TMTC4: variants seen among roughly 807,000 people sequenced by gnomAD.
TMTC4 encodes protein O-mannosyl-transferase TMTC4.
In TMTC4, 65 loss-of-function variants were observed where a neutral mutation model predicts 86.0. The ratio of observed to expected loss-of-function variants is 0.76; its 90% CI spans 0.62 to 0.93. The LOEUF (loss-of-function observed/expected upper bound fraction) is 0.93, where lower values mean the gene tolerates loss of function less well. Ranked by LOEUF, TMTC4 falls within the 40% of genes least tolerant of loss-of-function variation. The pLI, the probability that TMTC4 is intolerant of heterozygous loss-of-function variation, is 0.00. For missense variants in TMTC4, 866 were observed against 948.1 expected (o/e 0.91, Z 1.14); for synonymous variants, 379 against 382.5 (o/e 0.99, Z 0.11).
chr13:100,662,821 A>T, intron 5 of TMTC4, 143 bp downstream of exon 5: 1 of 786,150 alleles, frequency 1.3e-6, no homozygotes, highest in Non-Finnish European at 2.1e-6. Flanking sequence ...TTCTATTTCT[A>T]GAGTATGTTG....
chr13:100,653,684 T>C (rs974524870), intron 6 of TMTC4, among the ~76,000 whole-genome samples: 2 of 151,688 alleles, frequency 1.3e-5, no homozygotes, highest in Non-Finnish European at 2.9e-5. Flanking sequence ...AAGCGATGAG[T>C]GGGAATGGAA....
intron 15 of TMTC4, among the ~76,000 whole-genome samples, chr13:100,622,595 T>C (rs1439399498): frequency 2.0e-5 from 3 of 152,148 alleles, no homozygotes; most frequent in East Asian, 1.9e-4. Context: ...TTTTGTCTGC[T>C]GCCATGTAAG....
chr13:100,636,365 G>C (rs1255941307), intron 10 of TMTC4, among the ~76,000 whole-genome samples, 167 bp downstream of exon 10: 1 of 152,228 alleles, frequency 6.6e-6, no homozygotes. Flanking sequence ...GCGGAAGCCA[G>C]CCATGGATTC....
At chr13:100,632,047 A>ACTCT (rs1471336365) in intron 12 of TMTC4, among the ~76,000 whole-genome samples, 5 of 63,398 alleles carry the variant, frequency 7.9e-5, no homozygotes, top group African/African-American at 2.3e-4. Context: ...ACACACACAC[A>ACTCT]CACACACTCT....
chr13:100,666,207 ATCTC>A, intron 3 of TMTC4: 1 of 356,138 alleles, frequency 2.8e-6, no homozygotes, highest in African/African-American at 2.1e-5. Flanking sequence ...GAAGATCATC[ATCTC>A]AAGGAACAAA....
intron 12 of TMTC4, 79 bp from the exon 13 acceptor site, chr13:100,626,229 A>G: frequency 6.9e-7 from 1 of 1,440,156 alleles, no homozygotes; most frequent in Non-Finnish European, 9.8e-7. Flanking sequence ...CTTCTAACTG[A>G]AGACAAAAGG....
chr13:100,660,608 G>A (rs1440126511), intron 5 of TMTC4, among the ~76,000 whole-genome samples: 1 of 151,478 alleles, frequency 6.6e-6, no homozygotes, highest in East Asian at 1.9e-4. Context: ...GAGCTCGCCT[G>A]CCACCCATTT....
At chr13:100,668,478 C>T in intron 3 of TMTC4, 101 bp downstream of exon 3, 1 of 1,267,172 alleles carries the variant, frequency 7.9e-7, no homozygotes. Context: ...CAGGCCAATG[C>T]TTAACCTACA....
chr13:100,639,377 G>A (rs1290471129), intron 7 of TMTC4, among the ~76,000 whole-genome samples: 2 of 152,162 alleles, frequency 1.3e-5, no homozygotes, highest in Non-Finnish European at 2.9e-5. Context: ...GACCGTTTCT[G>A]CCTGGTTGAA....
chr13:100,630,434 A>G (rs1048772557), intron 12 of TMTC4, among the ~76,000 whole-genome samples: 4 of 152,210 alleles, frequency 2.6e-5, no homozygotes, highest in Non-Finnish European at 5.9e-5. Flanking sequence ...GCATCAAATT[A>G]TTGTCCATTC....
chr13:100,675,016 T>A (rs1248315649), upstream of TMTC4: 11 of 985,462 alleles, frequency 1.1e-5, no homozygotes, highest in African/African-American at 1.7e-5. Flanking sequence ...GCCGGTGACG[T>A]CAGGCCAGGG....
In TMTC4 at chr13:100,638,006, A is replaced by AATACCGC; in HGVS notation, c.751_757dup (p.Phe253CysfsTer4). On this transcript the variant is annotated frameshift_variant, in exon 8 of 19. Coordinates refer to ENST00000342624, the MANE Select transcript of TMTC4 (RefSeq NM_032813.5). LOFTEE classifies it high-confidence loss of function. The stretch of plus-strand genomic sequence containing the variant: ...GAATTTGCCTATCACCAAGATGTCA[A>AATACCGC]ATACCGCATTTAAACCCTAAGAAAG... The AATACCGC allele has an allele frequency of 6.2e-7, 1 of 1,613,994 alleles. No individual in the cohort carries two copies. The highest frequency in any genetic ancestry group is 8.5e-7 in the Non-Finnish European group (1 of 1,179,970).
intron 1 of TMTC4, chr13:100,674,154 G>A (rs1437234138): frequency 2.0e-6 from 2 of 981,484 alleles, no homozygotes; most frequent in Middle Eastern, 5.2e-4. Context: ...CCGGGAAGCG[G>A]CGGCTCGGTG....
chr13:100,614,202 A>AT (rs1316688758), intron 16 of TMTC4, 114 bp downstream of exon 16: 159 of 772,264 alleles, frequency 2.1e-4, no homozygotes, highest in South Asian at 3.5e-4. Flanking sequence ...CTTCACATTA[A>AT]TTTTTTTTTA....
chr13:100,674,848 G>A (rs913951977), upstream of TMTC4: 13 of 974,674 alleles, frequency 1.3e-5, no homozygotes, highest in African/African-American at 2.3e-4. Context: ...CGCCCGCCGC[G>A]CACCCGACCC....
At chr13:100,669,280 A>T (rs1886777478) in intron 2 of TMTC4, among the ~76,000 whole-genome samples, 1 of 152,204 alleles carries the variant, frequency 6.6e-6, no homozygotes, top group Admixed American at 6.5e-5. Context: ...TATTTGTAGC[A>T]TTCAGGCACA....
chr13:100,664,462 T>C (rs1027383387), intron 3 of TMTC4, 126 bp from the exon 4 acceptor site: 3 of 607,724 alleles, frequency 4.9e-6, no homozygotes, highest in Non-Finnish European at 8.6e-6. Context: ...ACATGTTCTC[T>C]ATGTTGATAT....
At chr13:100,609,311 T>G (rs1877175320) in intron 17 of TMTC4, among the ~76,000 whole-genome samples, 1 of 152,204 alleles carries the variant, frequency 6.6e-6, no homozygotes, top group African/African-American at 2.4e-5. Flanking sequence ...AATGATGCGT[T>G]GTTTCTCCTT....
chr13:100,650,100 C>T (rs1412519696), intron 6 of TMTC4, among the ~76,000 whole-genome samples: 1 of 151,864 alleles, frequency 6.6e-6, no homozygotes, highest in Non-Finnish European at 1.5e-5. Context: ...AAAACAAAAA[C>T]CATTTGGACA....
Sources: allele counts gnomAD v4.1 joint callset (sites outside exome capture counted in the v4.1 genomes callset), GRCh38; gene constraint gnomAD v4.1.1; transcripts MANE v1.5; gene names NCBI Gene and HGNC (gene_info 2026-07-23, HGNC 2026-07-21).